The following DGKB variants were observed in gnomAD, a reference collection of about 807,000 sequenced individuals.
DGKB encodes the protein diacylglycerol kinase beta, also known as 90 kDa diacylglycerol kinase.
A neutral mutation model predicts 114.3 loss-of-function variants in DGKB; 67 were observed. The ratio of observed to expected loss-of-function variants is 0.59; its 90% CI spans 0.48 to 0.72. The LOEUF is 0.72. Among genes scored for constraint, DGKB ranks in the 30% least tolerant of loss-of-function variants. The probability of loss-of-function intolerance (pLI) is 0.00; values close to 1 mark genes in which losing one functional copy is unlikely to be tolerated. For synonymous variants in DGKB, 398 were observed against 323.1 expected (o/e 1.23, Z -2.49); for missense variants, 907 against 975.2 (o/e 0.93, Z 0.93).
chr7:14,342,092 A>C (rs1811697039), intron 22 of DGKB, among the ~76,000 whole-genome samples: 1 of 151,900 alleles, frequency 6.6e-6, no homozygotes, highest in South Asian at 2.1e-4. Flanking sequence ...GTTACTGAGC[A>C]ATAAGAATAT....
chr7:14,416,390 G>A (rs1230795765), intron 21 of DGKB, among the ~76,000 whole-genome samples: 1 of 152,012 alleles, frequency 6.6e-6, no homozygotes, highest in Non-Finnish European at 1.5e-5. Flanking sequence ...TAAAATGTAT[G>A]CTGTTTAAAA....
chr7:14,262,447 G>A (rs1472405798), intron 23 of DGKB, among the ~76,000 whole-genome samples: 1 of 152,190 alleles, frequency 6.6e-6, no homozygotes, highest in Non-Finnish European at 1.5e-5. Flanking sequence ...AGCTGTGTCT[G>A]AGTGAGAGTG....
intron 1 of DGKB, among the ~76,000 whole-genome samples, chr7:14,919,090 ACACAAAC>A (rs1562875412): frequency 4.7e-5 from 6 of 128,328 alleles, no homozygotes; most frequent in South Asian, 2.8e-4. Context: ...ACACACACAC[ACACAAAC>A]ACACACACAC....
chr7:14,933,125 G>A (rs1785111397), intron 1 of DGKB, among the ~76,000 whole-genome samples: 1 of 152,118 alleles, frequency 6.6e-6, no homozygotes, highest in Non-Finnish European at 1.5e-5. Context: ...TAAAAATGAT[G>A]AACCTGGCAT....
intron 2 of DGKB, among the ~76,000 whole-genome samples, chr7:14,840,320 G>A (rs1008519718): frequency 4.6e-5 from 7 of 151,588 alleles, no homozygotes; most frequent in African/African-American, 1.7e-4. Context: ...TCTATATATT[G>A]CTTTTTCTGT....
intron 20 of DGKB, among the ~76,000 whole-genome samples, chr7:14,521,232 T>G (rs910942501): frequency 6.6e-6 from 1 of 152,130 alleles, no homozygotes; most frequent in East Asian, 1.9e-4. Context: ...TGGAACAGAA[T>G]AGAGAGCCCA....
At chr7:14,255,725 C>T (rs961979636) in intron 23 of DGKB, among the ~76,000 whole-genome samples, 1 of 149,174 alleles carries the variant, frequency 6.7e-6, no homozygotes, top group Non-Finnish European at 1.5e-5. Flanking sequence ...CTTTATTACA[C>T]TGTCTTCTCA....
intron 21 of DGKB, among the ~76,000 whole-genome samples, chr7:14,392,481 CAT>C (rs1160108740): frequency 1.8e-4 from 27 of 152,240 alleles, no homozygotes; most frequent in African/African-American, 4.8e-4. Context: ...TTATTCAACA[CAT>C]GATTGTTAAA....
chr7:14,786,487 C>A (rs1242557670), intron 2 of DGKB, among the ~76,000 whole-genome samples: 2 of 152,214 alleles, frequency 1.3e-5, no homozygotes, highest in Non-Finnish European at 2.9e-5. Flanking sequence ...AGTGGGGAGG[C>A]ATGGCCAGGG....
At chr7:14,717,535 C>A (rs1828406059) in intron 6 of DGKB, among the ~76,000 whole-genome samples, 1 of 151,902 alleles carries the variant, frequency 6.6e-6, no homozygotes, top group South Asian at 2.1e-4. Context: ...TATTCATAAC[C>A]TAAGCATGTG....
intron 1 of DGKB, among the ~76,000 whole-genome samples, chr7:14,967,753 A>G (rs1587476164): frequency 6.6e-6 from 1 of 151,762 alleles, no homozygotes; most frequent in East Asian, 1.9e-4. Flanking sequence ...ATGTAATTAT[A>G]GAGCTTAAAA....
chr7:14,861,399 C>T (rs1459690211), intron 1 of DGKB, among the ~76,000 whole-genome samples: 1 of 151,686 alleles, frequency 6.6e-6, no homozygotes, highest in Non-Finnish European at 1.5e-5. Context: ...AAATTGTTAG[C>T]AATAAGCTTT....
intron 1 of DGKB, among the ~76,000 whole-genome samples, chr7:14,940,092 C>A (rs1224545186): frequency 5.3e-5 from 8 of 152,072 alleles, no homozygotes; most frequent in Non-Finnish European, 1.2e-4. Flanking sequence ...CCACACTAAG[C>A]CTCAACCTGC....
chr7:14,308,101 C>T (rs1055775556), intron 23 of DGKB, among the ~76,000 whole-genome samples: 1 of 151,888 alleles, frequency 6.6e-6, no homozygotes, highest in South Asian at 2.1e-4. Context: ...AATTGCTTTT[C>T]TTTTTATGTA....
At chr7:14,673,386 T>C (rs1454715011) in intron 12 of DGKB, among the ~76,000 whole-genome samples, 1 of 146,550 alleles carries the variant, frequency 6.8e-6, no homozygotes, top group East Asian at 2.0e-4. Flanking sequence ...TTGAAACCAC[T>C]GTGCCTGTGT....
At chr7:14,819,774 A>T (rs929372205) in intron 2 of DGKB, among the ~76,000 whole-genome samples, 4 of 152,170 alleles carry the variant, frequency 2.6e-5, no homozygotes, top group African/African-American at 9.7e-5. Context: ...TTCCAAGCCC[A>T]TGTTCTTAAT....
chr7:14,425,154 A>G (rs1827313404), intron 21 of DGKB, among the ~76,000 whole-genome samples: 1 of 152,144 alleles, frequency 6.6e-6, no homozygotes, highest in African/African-American at 2.4e-5. Flanking sequence ...ATTTGCTAAT[A>G]TTCTATCCTC....
intron 20 of DGKB, among the ~76,000 whole-genome samples, chr7:14,484,103 A>G (rs925461963): frequency 6.6e-6 from 1 of 150,666 alleles, no homozygotes; most frequent in African/African-American, 2.4e-5. Context: ...GGTTATTTTG[A>G]TCCTCTTAAT....
At chr7:14,966,691 G>T (rs1279271421) in intron 1 of DGKB, among the ~76,000 whole-genome samples, 3 of 151,868 alleles carry the variant, frequency 2.0e-5, no homozygotes, top group African/African-American at 7.3e-5. Context: ...AGATTTGTTT[G>T]GATTTTTATT....
Sources: allele counts gnomAD v4.1 joint callset (sites outside exome capture counted in the v4.1 genomes callset), GRCh38; gene constraint gnomAD v4.1.1; transcripts MANE v1.5; gene names NCBI Gene and HGNC (gene_info 2026-07-23, HGNC 2026-07-21).